Variants in KCNQ1 observed in about 807,000 individuals in gnomAD.
The protein encoded by KCNQ1 is potassium voltage-gated channel subfamily Q member 1, also known as potassium voltage-gated channel subfamily KQT member 1.
Under a neutral mutation model 72.4 loss-of-function variants are expected in KCNQ1, and 49 were observed. The ratio of observed to expected loss-of-function variants is 0.68; its 90% CI spans 0.54 to 0.86. KCNQ1 has a LOEUF of 0.86. KCNQ1 is among the 40% of genes least tolerant of loss of function. The pLI is 0.00. For synonymous variants in KCNQ1, 450 were observed against 412.6 expected (o/e 1.09, Z -1.10); for missense variants, 790 against 945.1 (o/e 0.84, Z 2.15).
Position 2,827,808 on chromosome 11 carries a change from G to C in KCNQ1, c.1795-19959G>C, listed in dbSNP as rs1847870561. 6.6e-6 allele frequency among the ~76,000 whole-genome samples: 1 copy of C among 152,210 alleles called. No individual in the cohort carries two copies. The highest frequency in any genetic ancestry group is 2.1e-4 in the South Asian group (1 of 4,832). ...GCTCAGGCCAGGGTGTAAGTAGCAG[G>C]TATGTGGTGGTACTGTTTTCCGGAA... On this transcript the variant is annotated intron_variant, in intron 15 of 15. Coordinates refer to ENST00000155840, the MANE Select transcript of KCNQ1 (RefSeq NM_000218.3). The surrounding 1 kb of genome is among the most constrained non-coding windows in gnomAD (Gnocchi z 6.7).
At position 2,482,789 on chromosome 11, in the gene KCNQ1, C is replaced by T. The variant is rs1846673573; in HGVS notation, c.386+37305C>T. On this transcript the variant is annotated intron_variant, in intron 1 of 15. Transcript: ENST00000155840. The surrounding 1 kb of genome is among the most constrained non-coding windows in gnomAD (Gnocchi z 5.7). ...TGTTGAGCTCTTTGTATTTTAGCCA[C>T]CCATTCACTGGCCCACCTGCCCCTG... Among the ~76,000 whole-genome samples, 1 of 152,276 alleles carries T rather than the reference C, an allele frequency of 6.6e-6. No individual in the cohort carries two copies. Among genetic ancestry groups the T allele is most frequent in the African/African-American group, 2.4e-5 (1 of 41,552 alleles).
intron 15 of KCNQ1, among the ~76,000 whole-genome samples, chr11:2,796,102 C>G (rs935688168): frequency 6.6e-6 from 1 of 152,244 alleles, no homozygotes; most frequent in African/African-American, 2.4e-5. Flanking sequence ...AGAACCGACA[C>G]GTGTGAAACC....
At chr11:2,790,626 C>T (rs965926685) in intron 15 of KCNQ1, among the ~76,000 whole-genome samples, 1 of 152,240 alleles carries the variant, frequency 6.6e-6, no homozygotes, top group African/African-American at 2.4e-5. Context: ...CCCCTACACG[C>T]GATGGCTGTG....
In KCNQ1 at chr11:2,620,940, T is replaced by TG. The variant is rs1463709491; in HGVS notation, c.1393+32086_1393+32087insG. The TG allele has an allele frequency of 9.7e-6, 3 of 308,276 alleles. No homozygotes were observed. The highest frequency in any genetic ancestry group is 2.5e-4 in the South Asian group (1 of 4,076). 19.1% of individuals were successfully genotyped at this position (308,276 alleles called of 1,614,324 possible). ...TTTGGTGTTTTTTTGTTGTTGTTGT[T>TG]TTGTTTTGTTTTTTTTTGTCTGTTT... On this transcript the variant is annotated intron_variant, in intron 10 of 15. Coordinates refer to ENST00000155840, the MANE Select transcript of KCNQ1 (RefSeq NM_000218.3). The surrounding 1 kb of genome is among the most constrained non-coding windows in gnomAD (Gnocchi z 4.5).
intron 11 of KCNQ1, among the ~76,000 whole-genome samples, chr11:2,702,400 T>G (rs1051006798): frequency 6.6e-6 from 1 of 152,202 alleles, no homozygotes; most frequent in Non-Finnish European, 1.5e-5. Flanking sequence ...GAACACAGGC[T>G]GAAAAGCTCC....
At chr11:2,596,231 A>T (rs1454264245) in intron 10 of KCNQ1, among the ~76,000 whole-genome samples, 2 of 152,250 alleles carry the variant, frequency 1.3e-5, no homozygotes, top group Admixed American at 1.3e-4. Flanking sequence ...GCTCCCGGTG[A>T]GAATGCAAAG....
At position 2,452,606 on chromosome 11, in the gene KCNQ1, C is replaced by T. The variant is rs756961199; in HGVS notation, c.386+7122C>T. Reference sequence around the variant, plus strand: ...ATGCGCTTCAAGCGTTTGATCTTGACGGGCCCTGGGCTTGGCATTCTATTC... The same window carrying T: ...ATGCGCTTCAAGCGTTTGATCTTGATGGGCCCTGGGCTTGGCATTCTATTC... On this transcript the variant is annotated intron_variant, in intron 1 of 15. Coordinates refer to ENST00000155840, the MANE Select transcript of KCNQ1 (RefSeq NM_000218.3). Among the ~76,000 whole-genome samples the T allele has an allele frequency of 3.7e-4, 56 of 152,300 alleles. 1 individual carries two copies. Among genetic ancestry groups the T allele is most frequent in the Non-Finnish European group, 5.7e-4 (39 of 68,028 alleles).
Position 2,658,550 on chromosome 11 carries a change from G to C in KCNQ1, c.1394-3411G>C. ...CTCATCTTTTATTTTCCCTACCCTA[G>C]CCCTAGAATCATCCATTCATCCAGA... On this transcript the variant is annotated intron_variant, in intron 10 of 15. Transcript: ENST00000155840. This position sits in a 1 kb window ranked among gnomAD's most constrained non-coding sequence, Gnocchi z 4.9. 2.6e-6 allele frequency: 1 copy of C among 387,186 alleles called. No individual in the cohort carries two copies. Among genetic ancestry groups the C allele is most frequent in the South Asian group, 1.4e-4 (1 of 7,274 alleles). The allele number at this position is 387,186 out of a possible 1,614,324, so 24.0% of individuals were successfully genotyped here.
At chr11:2,737,300 C>A (rs375762723) in intron 11 of KCNQ1, among the ~76,000 whole-genome samples, 1 of 152,080 alleles carries the variant, frequency 6.6e-6, no homozygotes, top group African/African-American at 2.4e-5. Flanking sequence ...CAGCTGCTGC[C>A]GTGTGGGTGG....
chr11:2,551,172 T>C (rs1847977623), intron 2 of KCNQ1, among the ~76,000 whole-genome samples: 1 of 152,220 alleles, frequency 6.6e-6, no homozygotes, highest in African/African-American at 2.4e-5. Context: ...TCCAGTTCGA[T>C]GAGTCCTGGC....
chr11:2,793,390 C>CCG (rs1554923518), intron 15 of KCNQ1, among the ~76,000 whole-genome samples: 1 of 129,778 alleles, frequency 7.7e-6, no homozygotes, highest in Non-Finnish European at 1.7e-5. Context: ...GAGGCCAAGA[C>CCG]GGGGGGATGG....
chr11:2,747,709 AGGAT>A (rs1400450085), intron 11 of KCNQ1, among the ~76,000 whole-genome samples: 1 of 152,204 alleles, frequency 6.6e-6, no homozygotes, highest in Non-Finnish European at 1.5e-5. Context: ...GCCACAGGCT[AGGAT>A]GGTGGGAAGG....
At chr11:2,795,064 G>C (rs1455267227) in intron 15 of KCNQ1, among the ~76,000 whole-genome samples, 1 of 152,154 alleles carries the variant, frequency 6.6e-6, no homozygotes, top group African/African-American at 2.4e-5. Flanking sequence ...GGTCCAAGGG[G>C]TCTTCCCATC....
Position 2,674,276 on chromosome 11 carries a change from A to G in KCNQ1, c.1514+12195A>G, listed in dbSNP as rs1850246785. On this transcript the variant is annotated intron_variant, in intron 11 of 15. Coordinates refer to ENST00000155840, the MANE Select transcript of KCNQ1 (RefSeq NM_000218.3). This position sits in a 1 kb window ranked among gnomAD's most constrained non-coding sequence, Gnocchi z 5.9. Reference sequence around the variant, plus strand: ...CTCTCTCCCAGCCCCCGGCACACACACTAGGACCTTTCTTCATCATGCAGC... The same window carrying G: ...CTCTCTCCCAGCCCCCGGCACACACGCTAGGACCTTTCTTCATCATGCAGC... 2.5e-6 allele frequency: 1 copy of G among 398,542 alleles called. No homozygotes were observed. Among genetic ancestry groups the G allele is most frequent in the African/African-American group, 2.1e-5 (1 of 48,618 alleles). The allele number at this position is 398,542 out of a possible 1,614,324, so 24.7% of individuals were successfully genotyped here. A position where few individuals can be genotyped will look rare whatever the true frequency, so the allele number is the denominator to read the frequency against.
intron 15 of KCNQ1, among the ~76,000 whole-genome samples, chr11:2,834,380 T>C (rs1848019410): frequency 6.6e-6 from 1 of 152,140 alleles, no homozygotes; most frequent in African/African-American, 2.4e-5. Context: ...AAATCCCTTG[T>C]TCTCCGGAGC....
intron 11 of KCNQ1, among the ~76,000 whole-genome samples, chr11:2,737,094 G>A (rs1417757170): frequency 6.6e-6 from 1 of 152,238 alleles, no homozygotes. Context: ...AGATCCCAGC[G>A]GGAAGGGGCA....
In KCNQ1 at chr11:2,768,153, G is replaced by A. The variant is rs531965677; in HGVS notation, c.1515-691G>A. On this transcript the variant is annotated intron_variant, in intron 11 of 15. Coordinates refer to ENST00000155840, the MANE Select transcript of KCNQ1 (RefSeq NM_000218.3). The surrounding 1 kb of genome is among the most constrained non-coding windows in gnomAD (Gnocchi z 6.7). ...TTTCCATCAGGAAAGTCAGGCAGGC[G>A]TTAGCTTCACTGCCAGGAGGGAATC... Among the ~76,000 whole-genome samples, 94 of 152,342 alleles carry A rather than the reference G, an allele frequency of 6.2e-4. No individual in the cohort carries two copies. The highest frequency in any genetic ancestry group is 2.1e-3 in the African/African-American group (86 of 41,578).
chr11:2,724,929 C>T lies in KCNQ1; in HGVS notation c.1515-43915C>T, dbSNP rs1845732099. Among the ~76,000 whole-genome samples the T allele has an allele frequency of 6.6e-6, 1 of 152,234 alleles. No homozygotes were observed. The highest frequency in any genetic ancestry group is 2.4e-5 in the African/African-American group (1 of 41,458). On this transcript the variant is annotated intron_variant, in intron 11 of 15. Coordinates refer to ENST00000155840, the MANE Select transcript of KCNQ1 (RefSeq NM_000218.3). The surrounding 1 kb of genome is among the most constrained non-coding windows in gnomAD (Gnocchi z 6.8). Reference sequence around the variant, plus strand: ...GGGTAGAGATGACTGATCCAGTAACCTGGACAGGGTGCCGAGGGCAGGGTC... The same window carrying T: ...GGGTAGAGATGACTGATCCAGTAACTTGGACAGGGTGCCGAGGGCAGGGTC...
At position 2,673,127 on chromosome 11, in the gene KCNQ1, G is replaced by A. The variant is rs1423675772; in HGVS notation, c.1514+11046G>A. 5 of 398,734 alleles carry A rather than the reference G, an allele frequency of 1.3e-5. No individual in the cohort carries two copies. Among genetic ancestry groups the A allele is most frequent in the Admixed American group, 8.8e-5 (2 of 22,720 alleles). The allele number at this position is 398,734 out of a possible 1,614,324, so 24.7% of individuals were successfully genotyped here. On this transcript the variant is annotated intron_variant, in intron 11 of 15. Transcript: ENST00000155840. This position sits in a 1 kb window ranked among gnomAD's most constrained non-coding sequence, Gnocchi z 4.5. ...AGGAGACCCCAGCAGGCAGCATCAGGGCAGGGGTGCTGACCATCCCTGACC... is the reference window on the plus strand; with the variant it reads ...AGGAGACCCCAGCAGGCAGCATCAGAGCAGGGGTGCTGACCATCCCTGACC...
Sources: allele counts gnomAD v4.1 joint callset (sites outside exome capture counted in the v4.1 genomes callset), GRCh38; gene constraint gnomAD v4.1.1; non-coding constraint Gnocchi (gnomAD v3.1); transcripts MANE v1.5; gene names NCBI Gene and HGNC (gene_info 2026-07-23, HGNC 2026-07-21).